The following PLPP7 variants were observed in gnomAD, a reference collection of about 807,000 sequenced individuals.
PLPP7 encodes the protein phospholipid phosphatase 7 (inactive).
PLPP7 carries 11 observed loss-of-function variants against 16.9 expected under a neutral mutation model. That is an observed-to-expected ratio of 0.65 (90% confidence interval 0.41 to 1.08). The LOEUF (loss-of-function observed/expected upper bound fraction) is 1.08, where lower values mean the gene tolerates loss of function less well. Among genes scored for constraint, PLPP7 ranks in the 50% least tolerant of loss-of-function variants. PLPP7 has a pLI of 0.00. For missense variants in PLPP7, 358 were observed against 397.1 expected (o/e 0.90, Z 0.84); for synonymous variants, 174 against 175.1 (o/e 0.99, Z 0.05).
chr9:131,304,747 A>C (rs1176139750), intron 1 of PLPP7, among the ~76,000 whole-genome samples: 1 of 152,152 alleles, frequency 6.6e-6, no homozygotes, highest in East Asian at 1.9e-4. Flanking sequence ...AGCCACGGGG[A>C]AAAAAACCTA....
At chr9:131,306,785 G>T (rs926054197) in intron 1 of PLPP7, among the ~76,000 whole-genome samples, 6 of 152,200 alleles carry the variant, frequency 3.9e-5, no homozygotes, top group African/African-American at 1.4e-4. Flanking sequence ...AGGGGATGGG[G>T]AGTGGCTGCT....
chr9:131,301,813 CTTTTT>C (rs59151233), intron 1 of PLPP7, among the ~76,000 whole-genome samples: 9 of 114,740 alleles, frequency 7.8e-5, no homozygotes, highest in Non-Finnish European at 1.1e-4. Context: ...GGAACTTGTT[CTTTTT>C]TTTTTTTTTT....
intron 1 of PLPP7, chr9:131,292,809 T>G (rs964209111): frequency 1.0e-6 from 1 of 985,220 alleles, no homozygotes; most frequent in Non-Finnish European, 1.2e-6. Flanking sequence ...TTTAAGAACA[T>G]TTCCCCTGCC....
intron 1 of PLPP7, chr9:131,292,722 G>A (rs1342108223): frequency 3.3e-5 from 29 of 888,872 alleles, no homozygotes; most frequent in Non-Finnish European, 3.9e-5. Flanking sequence ...CCCGTGGTAG[G>A]AGGTATGCAA....
chr9:131,300,325 C>T (rs565155977), intron 1 of PLPP7, among the ~76,000 whole-genome samples: 5 of 152,260 alleles, frequency 3.3e-5, no homozygotes, highest in Admixed American at 1.3e-4. Context: ...TATTTAGTCC[C>T]AGCTACTCTG....
At chr9:131,294,378 T>C (rs563592530) in intron 1 of PLPP7, among the ~76,000 whole-genome samples, 1 of 152,332 alleles carries the variant, frequency 6.6e-6, no homozygotes, top group East Asian at 1.9e-4. Context: ...GCAATGATTA[T>C]CATCATCATT....
chr9:131,296,861 C>T lies in PLPP7; in HGVS notation c.451+6413C>T, dbSNP rs144362186. Among the ~76,000 whole-genome samples, 975 of 152,354 alleles carry T rather than the reference C, an allele frequency of 6.4e-3. 13 individuals are homozygous for T. The highest frequency in any genetic ancestry group is 0.022 in the African/African-American group (916 of 41,578). On this transcript the variant is annotated intron_variant, in intron 1 of 1. Coordinates refer to ENST00000372264, the MANE Select transcript of PLPP7 (RefSeq NM_032728.4). Reference sequence around the variant, plus strand: ...ATCTGTTCTGGCAGCTCTCCCATCCCCTGCCCTCTGGCTCTTGCTCTCAGG... The same window carrying T: ...ATCTGTTCTGGCAGCTCTCCCATCCTCTGCCCTCTGGCTCTTGCTCTCAGG...
chr9:131,306,993 T>C lies in PLPP7; in HGVS notation c.452-930T>C, dbSNP rs530011301. ...CACAGTGGCTCACGCCTGTAATGGGTGAACACTTGGGGAGGCTGAGGCGGG... is the reference window on the plus strand; with the variant it reads ...CACAGTGGCTCACGCCTGTAATGGGCGAACACTTGGGGAGGCTGAGGCGGG... On this transcript the variant is annotated intron_variant, in intron 1 of 1. Transcript: ENST00000372264. Among the ~76,000 whole-genome samples, 9 of 151,814 alleles carry C rather than the reference T, an allele frequency of 5.9e-5. No individual in the cohort carries two copies. In the South Asian group the frequency reaches 1.9e-3, roughly 32 times the overall value.
Position 131,307,466 on chromosome 9 carries a change from C to T in PLPP7, c.452-457C>T, listed in dbSNP as rs571104991. On this transcript the variant is annotated intron_variant, in intron 1 of 1. Coordinates refer to ENST00000372264, the MANE Select transcript of PLPP7 (RefSeq NM_032728.4). ...ACTCAGGAGGCCGAGGCAGGAGAATCGCTTGAATCCGGGAGGCGGAGGTTC... is the reference window on the plus strand; with the variant it reads ...ACTCAGGAGGCCGAGGCAGGAGAATTGCTTGAATCCGGGAGGCGGAGGTTC... 3.9e-3 allele frequency among the ~76,000 whole-genome samples: 539 copies of T among 136,756 alleles called. 8 individuals carry two copies. The highest frequency in any genetic ancestry group is 0.014 in the African/African-American group (499 of 36,514). The allele number at this position is 136,756 out of a possible 152,430, so 89.7% of individuals were successfully genotyped here.
rs369163929 is a variant in PLPP7, at chr9:131,308,209, C to A, written c.738C>A (p.Ile246=). The A allele has an allele frequency of 6.3e-7, 1 of 1,599,838 alleles. No homozygotes were observed. ...HVTDVLSGFV[I]GYLQFRLVEL... is the part of the protein sequence containing the mutation. ...CGGACGTCCTCTCCGGCTTTGTCAT[C>A]GGCTACCTCCAGTTCCGTCTGGTGG... Residue 246 remains isoleucine (I), a synonymous_variant, in exon 2 of 2, where the codon ATC becomes ATA. Coordinates refer to ENST00000372264, the MANE Select transcript of PLPP7 (RefSeq NM_032728.4).
chr9:131,291,252 C>G, intron 1 of PLPP7: 6 of 1,332,288 alleles, frequency 4.5e-6, no homozygotes, highest in Non-Finnish European at 6.0e-6. Context: ...GAAGCTTCCA[C>G]CCTCCACGCC....
At chr9:131,297,386 CTT>C (rs10706585) in intron 1 of PLPP7, among the ~76,000 whole-genome samples, 1,709 of 137,006 alleles carry the variant, frequency 0.012, 26 homozygotes, top group East Asian at 0.069. Flanking sequence ...CAGGTGGAGT[CTT>C]TTTTTTTTTT....
chr9:131,296,078 T>A (rs972015018), intron 1 of PLPP7, among the ~76,000 whole-genome samples: 1 of 152,210 alleles, frequency 6.6e-6, no homozygotes, highest in Non-Finnish European at 1.5e-5. Flanking sequence ...GGACCTGTCC[T>A]ACTGTTGCCC....
chr9:131,291,059 G>A (rs1835670207), intron 1 of PLPP7: 3 of 1,366,132 alleles, frequency 2.2e-6, no homozygotes, highest in East Asian at 4.6e-5. Flanking sequence ...GGTTCGGGGG[G>A]CCAGTTGTGG....
chr9:131,295,701 C>T lies in PLPP7; in HGVS notation c.451+5253C>T, dbSNP rs1056194581. The stretch of plus-strand genomic sequence containing the variant: ...CCCCTGGCAACCTCCATTCTACACT[C>T]TGTCTCTGTGGATTTGACTGTTCTA... On this transcript the variant is annotated intron_variant, in intron 1 of 1. Coordinates refer to ENST00000372264, the MANE Select transcript of PLPP7 (RefSeq NM_032728.4). This position sits in a 1 kb window ranked among gnomAD's most constrained non-coding sequence, Gnocchi z 4.0. 2.4e-4 allele frequency among the ~76,000 whole-genome samples: 37 copies of T among 152,188 alleles called. No individual in the cohort carries two copies. Among genetic ancestry groups the T allele is most frequent in the Admixed American group, 2.4e-3 (37 of 15,278 alleles).
rs757523015 is a variant in PLPP7, at chr9:131,308,226, G to A, written c.755G>A (p.Arg252His). ...SGFVIGYLQFRLVELVWMPSS... is the reference protein window; with the variant it reads ...SGFVIGYLQFHLVELVWMPSS... ...TTTGTCATCGGCTACCTCCAGTTCCGTCTGGTGGAGCTGGTCTGGATGCCC... is the reference window on the plus strand; with the variant it reads ...TTTGTCATCGGCTACCTCCAGTTCCATCTGGTGGAGCTGGTCTGGATGCCC... The change falls in exon 2 of 2, where the codon CGT becomes CAT. Residue 252 changes from arginine (R) to histidine (H), a missense_variant. Coordinates refer to ENST00000372264, the MANE Select transcript of PLPP7 (RefSeq NM_032728.4). 1.8e-5 allele frequency: 28 copies of A among 1,599,376 alleles called. No homozygotes were observed. Among genetic ancestry groups the A allele is most frequent in the Admixed American group, 6.7e-5 (4 of 59,966 alleles).
chr9:131,305,607 C>A (rs944288277), intron 1 of PLPP7, among the ~76,000 whole-genome samples: 2 of 151,992 alleles, frequency 1.3e-5, no homozygotes. Flanking sequence ...CACTCTGTCA[C>A]CTTAGCCTCC....
intron 1 of PLPP7, among the ~76,000 whole-genome samples, chr9:131,307,392 A>G (rs1835864861): frequency 6.6e-6 from 1 of 151,572 alleles, no homozygotes; most frequent in Non-Finnish European, 1.5e-5. Flanking sequence ...TCTCTACTGA[A>G]AGTACAAAAA....
In PLPP7 at chr9:131,290,089, G is replaced by A; in HGVS notation, c.92G>A (p.Gly31Glu). The A allele has an allele frequency of 6.6e-7, 1 of 1,512,006 alleles. No homozygotes were observed. The allele number at this position is 1,512,006 out of a possible 1,614,324, so 93.7% of individuals were successfully genotyped here. Reference protein sequence around the residue: ...EFLSLNQPPKGGPEPRSSGRK... With the variant: ...EFLSLNQPPKEGPEPRSSGRK... ...CTGTCCCTGAACCAGCCCCCCAAGG[G>A]GGGCCCGGAGCCCCGCAGCTCGGGC... The change falls in exon 1 of 2, where the codon GGG becomes GAG. Residue 31 changes from glycine (G) to glutamate (E), a missense_variant. Gly to Glu is a moderately conservative substitution (Grantham distance 98). Transcript: ENST00000372264. The surrounding 1 kb of genome is among the most constrained non-coding windows in gnomAD (Gnocchi z 4.2).
Sources: allele counts gnomAD v4.1 joint callset (sites outside exome capture counted in the v4.1 genomes callset), GRCh38; gene constraint gnomAD v4.1.1; non-coding constraint Gnocchi (gnomAD v3.1); transcripts MANE v1.5; gene names NCBI Gene and HGNC (gene_info 2026-07-23, HGNC 2026-07-21).